The following ADRA1D variants were observed in gnomAD, a reference collection of about 807,000 sequenced individuals.
ADRA1D encodes adrenoceptor alpha 1D, also known as alpha-1D adrenergic receptor.
ADRA1D carries 22 observed loss-of-function variants against 18.6 expected under a neutral mutation model. The observed-to-expected ratio is 1.19, with a 90% CI of 0.85 to 1.69. ADRA1D has a LOEUF of 1.69. Ranked by LOEUF, ADRA1D falls within the 40% of genes most tolerant of loss-of-function variation. The pLI, the probability that ADRA1D is intolerant of heterozygous loss-of-function variation, is 0.00. For synonymous variants in ADRA1D, 376 were observed against 388.2 expected (o/e 0.97, Z 0.37); for missense variants, 840 against 840.7 (o/e 1.00, Z 0.01).
Position 4,236,954 on chromosome 20 carries a change from G to A in ADRA1D, c.1111+10893C>T, listed in dbSNP as rs1026427296. ...TTAGGACTTCTGGCCTTCAGAACTGGGAGGTAATATATTCTTTGAAGTCAC... is the reference window on the plus strand; with the variant it reads ...TTAGGACTTCTGGCCTTCAGAACTGAGAGGTAATATATTCTTTGAAGTCAC... On this transcript the variant is annotated intron_variant, in intron 1 of 1. Transcript: ENST00000379453. 3.9e-5 allele frequency among the ~76,000 whole-genome samples: 6 copies of A among 152,262 alleles called. No individual in the cohort carries two copies. The East Asian group carries it at 5.8e-4, about 15-fold the overall frequency.
intron 1 of ADRA1D, among the ~76,000 whole-genome samples, chr20:4,243,583 G>A (rs1981267912): frequency 6.6e-6 from 1 of 152,150 alleles, no homozygotes; most frequent in African/African-American, 2.4e-5. Flanking sequence ...TATCCCACCG[G>A]TCACAGGCAA....
rs1980692888 is a variant in ADRA1D at position 4,222,319 on chromosome 20, C to T, written c.1112-189G>A. Reference sequence around the variant, plus strand: ...GAAAAATAATAATTGTTTTCACTCACCTCTACCTGATATTGAGGATTACCT... The same window carrying T: ...GAAAAATAATAATTGTTTTCACTCATCTCTACCTGATATTGAGGATTACCT... On this transcript the variant is annotated intron_variant, in intron 1 of 1. Coordinates refer to ENST00000379453, the MANE Select transcript of ADRA1D (RefSeq NM_000678.4). The surrounding 1 kb of genome is among the most constrained non-coding windows in gnomAD (Gnocchi z 4.3). The T allele has an allele frequency of 2.8e-6, 2 of 724,086 alleles. No homozygotes were observed. Among genetic ancestry groups the T allele is most frequent in the African/African-American group, 3.7e-5 (2 of 53,632 alleles). 44.9% of individuals were successfully genotyped at this position (724,086 alleles called of 1,614,324 possible).
intron 1 of ADRA1D, among the ~76,000 whole-genome samples, chr20:4,228,657 C>A (rs1460117914): frequency 1.3e-5 from 2 of 152,236 alleles, no homozygotes; most frequent in Non-Finnish European, 2.9e-5. Context: ...TTCTCCAGAG[C>A]AGTTGATCTT....
At position 4,248,626 on chromosome 20, in the gene ADRA1D, A is replaced by G; in HGVS notation, c.332T>C (p.Val111Ala). 1 of 1,612,818 alleles carries G rather than the reference A, an allele frequency of 6.2e-7. No individual in the cohort carries two copies. ...VFLAAFILMA[V>A]AGNLLVILSV... ...GAGGATGACAAGCAGGTTACCTGCC[A>G]CGGCCATAAGGATGAAGGCTGCCAG... The change falls in exon 1 of 2, where the codon GTG becomes GCG. Residue 111 changes from valine to alanine, a missense_variant. Transcript: ENST00000379453.
At position 4,248,154 on chromosome 20, in the gene ADRA1D, C is replaced by A. The variant is rs146783287; in HGVS notation, c.804G>T (p.Ala268=). The A allele has an allele frequency of 1.3e-5, 20 of 1,579,250 alleles. No individual in the cohort carries two copies. The African/African-American group carries it at 2.6e-4, about 20-fold the overall frequency. The change falls in exon 1 of 2, where the codon GCG becomes GCT. Residue 268 remains alanine (A), a synonymous_variant. Coordinates refer to ENST00000379453, the MANE Select transcript of ADRA1D (RefSeq NM_000678.4). Reference sequence around the variant, plus strand: ...CGCGGCAGTACATGACCACGATGACCGCCATGGGCAGGTAGAAGGAGCACA... The same window carrying A: ...CGCGGCAGTACATGACCACGATGACAGCCATGGGCAGGTAGAAGGAGCACA... ...SSVCSFYLPM[A]VIVVMYCRVY...
intron 1 of ADRA1D, among the ~76,000 whole-genome samples, chr20:4,224,712 G>A (rs1207371388): frequency 7.2e-6 from 1 of 139,628 alleles, no homozygotes; most frequent in African/African-American, 2.6e-5. Flanking sequence ...GCAGGCCAGG[G>A]GTAGGGGGGG....
Position 4,221,746 on chromosome 20 carries a change from A to T in ADRA1D, c.1496T>A (p.Leu499Gln). ...KPPSAFREWR[L>Q]LGPFRRPTTQ... ...CGTGGGTCTCCGGAACGGCCCCAGCAGCCTCCACTCGCGGAAGGCGCTGGG... is the reference window on the plus strand; with the variant it reads ...CGTGGGTCTCCGGAACGGCCCCAGCTGCCTCCACTCGCGGAAGGCGCTGGG... Residue 499 changes from leucine (L) to glutamine (Q), a missense_variant, in exon 2 of 2, where the codon CTG becomes CAG. Physicochemically the swap from Leu to Gln is moderately radical, Grantham distance 113. Transcript: ENST00000379453. 1 of 1,602,542 alleles carries T rather than the reference A, an allele frequency of 6.2e-7. No homozygotes were observed. The highest frequency in any genetic ancestry group is 8.5e-7 in the Non-Finnish European group (1 of 1,176,980).
At chr20:4,240,627 C>G (rs773090056) in intron 1 of ADRA1D, among the ~76,000 whole-genome samples, 10 of 152,032 alleles carry the variant, frequency 6.6e-5, no homozygotes, top group Non-Finnish European at 1.0e-4. Flanking sequence ...AACCCCGTCT[C>G]TACTAAAAAT....
intron 1 of ADRA1D, among the ~76,000 whole-genome samples, chr20:4,243,227 C>G (rs2122676233): frequency 6.6e-6 from 1 of 152,278 alleles, no homozygotes; most frequent in South Asian, 2.1e-4. Flanking sequence ...ACCCAACTGT[C>G]CCAACGACGC....
Position 4,221,636 on chromosome 20 carries a change from GCT to G in ADRA1D, c.1604_1605del (p.Gln535ProfsTer53). On this transcript the variant is annotated frameshift_variant, in exon 2 of 2. Transcript: ENST00000379453. LOFTEE classifies it high-confidence loss of function. ...GAQRAEAACA[Q>X]RSEVEAVSLG... The stretch of plus-strand genomic sequence containing the variant: ...AGGGACACAGCCTCCACCTCTGAGC[GCT>G]GGGCGCACGCTGCCTCTGCGCGCTG... 1 of 1,613,060 alleles carries G rather than the reference GCT, an allele frequency of 6.2e-7. No individual in the cohort carries two copies. Among genetic ancestry groups the G allele is most frequent in the Non-Finnish European group, 8.5e-7 (1 of 1,179,612 alleles).
At chr20:4,224,221 A>G (rs1428550033) in intron 1 of ADRA1D, among the ~76,000 whole-genome samples, 1 of 152,146 alleles carries the variant, frequency 6.6e-6, no homozygotes, top group Non-Finnish European at 1.5e-5. Flanking sequence ...CCTGGAATTA[A>G]GCCTCCATAA....
chr20:4,248,056 T>C lies in ADRA1D; in HGVS notation c.902A>G (p.Glu301Gly), dbSNP rs1308736704. 1.3e-6 allele frequency: 2 copies of C among 1,550,572 alleles called. No homozygotes were observed. The highest frequency in any genetic ancestry group is 1.7e-6 in the Non-Finnish European group (2 of 1,147,470). Residue 301 changes from glutamate to glycine, a missense_variant, in exon 1 of 2, where the codon GAG becomes GGG. By Grantham distance (98) the Glu-to-Gly change is moderately conservative (BLOSUM62 -2). Coordinates refer to ENST00000379453, the MANE Select transcript of ADRA1D (RefSeq NM_000678.4). ...GVKRERGKASEVVLRIHCRGA... is the reference protein window; with the variant it reads ...GVKRERGKASGVVLRIHCRGA... ...GCGACAGTGGATGCGCAGCACCACC[T>C]CGGAGGCCTTGCCTCGCTCGCGCTT... is the stretch of plus-strand genomic sequence containing the variant.
At chr20:4,244,889 T>C (rs1272860705) in intron 1 of ADRA1D, among the ~76,000 whole-genome samples, 1 of 152,238 alleles carries the variant, frequency 6.6e-6, no homozygotes, top group Admixed American at 6.5e-5. Context: ...TCCACCAGTG[T>C]CCCTGGGCTC....
At chr20:4,230,909 C>T (rs546807531) in intron 1 of ADRA1D, among the ~76,000 whole-genome samples, 1 of 152,228 alleles carries the variant, frequency 6.6e-6, no homozygotes, top group Non-Finnish European at 1.5e-5. Context: ...GCTGTCCTTT[C>T]CCGTGCAACT....
Position 4,240,419 on chromosome 20 carries a change from T to C in ADRA1D, c.1111+7428A>G, listed in dbSNP as rs1472033960. 9.7e-4 allele frequency among the ~76,000 whole-genome samples: 148 copies of C among 152,120 alleles called. 2 individuals are homozygous for C. Among genetic ancestry groups the C allele is most frequent in the Non-Finnish European group, 1.0e-4 (7 of 67,984 alleles). On this transcript the variant is annotated intron_variant, in intron 1 of 1. Coordinates refer to ENST00000379453, the MANE Select transcript of ADRA1D (RefSeq NM_000678.4). ...AATGGATTGTGGGCTTTTTTTTTTT[T>C]TTTTTACAGTTATTATCTTCTAGAA...
Position 4,222,447 on chromosome 20 carries a change from T to A in ADRA1D, c.1112-317A>T. 1 of 230,906 alleles carries A rather than the reference T, an allele frequency of 4.3e-6. No individual in the cohort carries two copies. Among genetic ancestry groups the A allele is most frequent in the East Asian group, 9.5e-5 (1 of 10,486 alleles). 14.3% of individuals were successfully genotyped at this position (230,906 alleles called of 1,614,324 possible). A position where few individuals can be genotyped will look rare whatever the true frequency, so the allele number is the denominator to read the frequency against. On this transcript the variant is annotated intron_variant, in intron 1 of 1. Coordinates refer to ENST00000379453, the MANE Select transcript of ADRA1D (RefSeq NM_000678.4). The surrounding 1 kb of genome is among the most constrained non-coding windows in gnomAD (Gnocchi z 4.3). ...GTGCAATATTGGCAGTTTCGTATTA[T>A]GAGACAAAGTAGCAAACATAGCCAT...
chr20:4,248,746 T>TC lies in ADRA1D; in HGVS notation c.211dup (p.Glu71GlyfsTer44). 1.3e-6 allele frequency: 2 copies of TC among 1,510,614 alleles called. No homozygotes were observed. Among genetic ancestry groups the TC allele is most frequent in the Non-Finnish European group, 1.8e-6 (2 of 1,130,426 alleles). 93.6% of individuals were successfully genotyped at this position (1,510,614 alleles called of 1,614,324 possible). ...GCCGCCCGCGCCCGCGCTCCCCGGCTCCCCCGCGGAGCTCCGGTTGTCCTC... is the reference window on the plus strand; with the variant it reads ...GCCGCCCGCGCCCGCGCTCCCCGGCTCCCCCCGCGGAGCTCCGGTTGTCCTC... On this transcript the variant is annotated frameshift_variant, in exon 1 of 2. Coordinates refer to ENST00000379453, the MANE Select transcript of ADRA1D (RefSeq NM_000678.4). LOFTEE classifies it high-confidence loss of function.
chr20:4,222,281 G>T lies in ADRA1D; in HGVS notation c.1112-151C>A. 9.4e-7 allele frequency: 1 copy of T among 1,066,880 alleles called. No homozygotes were observed. The highest frequency in any genetic ancestry group is 1.3e-6 in the Non-Finnish European group (1 of 782,432). 66.1% of individuals were successfully genotyped at this position (1,066,880 alleles called of 1,614,324 possible). A position where few individuals can be genotyped will look rare whatever the true frequency, so the allele number is the denominator to read the frequency against. On this transcript the variant is annotated intron_variant, in intron 1 of 1. Coordinates refer to ENST00000379453, the MANE Select transcript of ADRA1D (RefSeq NM_000678.4). This position sits in a 1 kb window ranked among gnomAD's most constrained non-coding sequence, Gnocchi z 4.3. Reference sequence around the variant, plus strand: ...CCGTGCTGTAAATCAGGAGGTCCATGAACTTGGATAGAGAAAAATAATAAT... The same window carrying T: ...CCGTGCTGTAAATCAGGAGGTCCATTAACTTGGATAGAGAAAAATAATAAT...
intron 1 of ADRA1D, among the ~76,000 whole-genome samples, chr20:4,231,038 T>TTCTTTTTCTTTCTTTCTTTC (rs71332805): frequency 4.6e-5 from 5 of 108,524 alleles, no homozygotes; most frequent in African/African-American, 1.9e-4. Context: ...CTTTCTTTCT[T>TTCTTTTTCTTTCTTTCTTTC]TTTCTTTCTT....
Sources: gnomAD v4.1 joint callset for allele counts (sites outside exome capture counted in the v4.1 genomes callset) on GRCh38, gnomAD v4.1.1 for gene constraint, Gnocchi (gnomAD v3.1) non-coding constraint, MANE v1.5 for transcripts, NCBI Gene and HGNC (gene_info 2026-07-23, HGNC 2026-07-21) for gene names.